Variants in PTPRT observed in about 807,000 individuals in gnomAD.
PTPRT encodes protein tyrosine phosphatase receptor type T.
PTPRT carries 56 observed loss-of-function variants against 176.8 expected under a neutral mutation model. The ratio of observed to expected loss-of-function variants is 0.32; its 90% confidence interval spans 0.26 to 0.40. PTPRT has a LOEUF of 0.40. PTPRT is among the 10% of genes least tolerant of loss of function. The probability of loss-of-function intolerance (pLI) is 1.00; values close to 1 mark genes in which losing one functional copy is unlikely to be tolerated. For missense variants in PTPRT, 1,540 were observed against 1,908.2 expected (o/e 0.81, Z 3.60); for synonymous variants, 783 against 739.0 (o/e 1.06, Z -0.96).
At chr20:42,712,158 A>G (rs1011590769) in intron 6 of PTPRT, among the ~76,000 whole-genome samples, 5 of 150,638 alleles carry the variant, frequency 3.3e-5, no homozygotes, top group Non-Finnish European at 7.4e-5. Context: ...TCATTAGGAA[A>G]ATAATCCTGA....
chr20:42,935,147 ATTTTTTTTT>A (rs57178522), intron 1 of PTPRT, among the ~76,000 whole-genome samples: 5 of 42,154 alleles, frequency 1.2e-4, no homozygotes, highest in Admixed American at 4.1e-4. Context: ...TTTTGCCATA[ATTTTTTTTT>A]TTTTTTTTTT....
At chr20:42,061,139 C>A in the PTPRT span, among the ~76,000 whole-genome samples, 1 of 152,146 alleles carries the variant, frequency 6.6e-6, no homozygotes, top group Non-Finnish European at 1.5e-5. Flanking sequence ...TCAGTGGCTT[C>A]ATCTATAAAG....
intron 9 of PTPRT, among the ~76,000 whole-genome samples, chr20:42,446,844 G>A (rs894946688): frequency 1.3e-5 from 2 of 152,170 alleles, no homozygotes; most frequent in Admixed American, 6.5e-5. Flanking sequence ...ATAAGTGATG[G>A]GGATGGATGT....
At chr20:42,916,544 A>T (rs1407541589) in intron 1 of PTPRT, among the ~76,000 whole-genome samples, 1 of 152,212 alleles carries the variant, frequency 6.6e-6, no homozygotes, top group Admixed American at 6.5e-5. Context: ...CGCCACACTG[A>T]CTTCCACAAT....
intron 7 of PTPRT, among the ~76,000 whole-genome samples, chr20:42,494,502 G>A (rs6016810): frequency 6.6e-6 from 1 of 151,888 alleles, no homozygotes; most frequent in East Asian, 1.9e-4. Flanking sequence ...TCAGTTGTGG[G>A]TTTGGGAATA....
chr20:42,247,978 G>A (rs1216199138), intron 14 of PTPRT, among the ~76,000 whole-genome samples: 1 of 152,186 alleles, frequency 6.6e-6, no homozygotes, highest in African/African-American at 2.4e-5. Context: ...GGATGCTGGT[G>A]TAGTACATCT....
At position 42,774,139 on chromosome 20, in the gene PTPRT, G is replaced by A. The variant is rs565779605; in HGVS notation, c.569-2589C>T. On this transcript the variant is annotated intron_variant, in intron 4 of 30. Coordinates refer to ENST00000373187, the MANE Select transcript of PTPRT (RefSeq NM_007050.6). ...GCAATTTACAGCAGAGATAATGAACGCATGCACCTACAAGAGCCAGTTATG... is the reference window on the plus strand; with the variant it reads ...GCAATTTACAGCAGAGATAATGAACACATGCACCTACAAGAGCCAGTTATG... Among the ~76,000 whole-genome samples, 36 of 152,240 alleles carry A rather than the reference G, an allele frequency of 2.4e-4. No homozygotes were observed. In the South Asian group the frequency reaches 6.6e-3, roughly 28 times the overall value.
chr20:43,078,319 C>T (rs1310507221), intron 1 of PTPRT, among the ~76,000 whole-genome samples: 1 of 152,220 alleles, frequency 6.6e-6, no homozygotes. Flanking sequence ...AAGCTGACCA[C>T]TCAGCCAGCC....
intron 11 of PTPRT, among the ~76,000 whole-genome samples, chr20:42,327,119 G>T (rs577085661): frequency 6.6e-6 from 1 of 150,692 alleles, no homozygotes; most frequent in African/African-American, 2.5e-5. Flanking sequence ...GTGTATGACA[G>T]AGAGAGAGAA....
At chr20:42,243,783 T>C (rs1434109665) in intron 14 of PTPRT, among the ~76,000 whole-genome samples, 1 of 152,170 alleles carries the variant, frequency 6.6e-6, no homozygotes, top group African/African-American at 2.4e-5. Flanking sequence ...GCCCAAAACG[T>C]TCACCAACTC....
downstream of PTPRT, among the ~76,000 whole-genome samples, chr20:42,072,189 G>T (rs1374029091): frequency 6.6e-6 from 1 of 152,174 alleles, no homozygotes; most frequent in East Asian, 1.9e-4. Context: ...CCCAGGAGGA[G>T]GATGAAAAAA....
chr20:42,277,653 G>A (rs1002695756), intron 13 of PTPRT, among the ~76,000 whole-genome samples: 2 of 152,120 alleles, frequency 1.3e-5, no homozygotes, highest in African/African-American at 2.4e-5. Flanking sequence ...CCTCTCAAAC[G>A]GAAGTGTCCA....
At chr20:42,172,071 T>A (rs1341988264) in intron 16 of PTPRT, among the ~76,000 whole-genome samples, 3 of 151,972 alleles carry the variant, frequency 2.0e-5, no homozygotes, top group Non-Finnish European at 4.4e-5. Flanking sequence ...TACATTTAGA[T>A]TGATTAAAGA....
chr20:42,670,634 T>G (rs2146037232), intron 7 of PTPRT, among the ~76,000 whole-genome samples: 1 of 152,170 alleles, frequency 6.6e-6, no homozygotes, highest in East Asian at 1.9e-4. Flanking sequence ...ATCAACAGCG[T>G]ATGTGGTGTC....
chr20:42,617,857 T>C (rs1259424607), intron 7 of PTPRT, among the ~76,000 whole-genome samples: 3 of 138,982 alleles, frequency 2.2e-5, no homozygotes, highest in African/African-American at 9.3e-5. Flanking sequence ...TTGATAGTGG[T>C]CTATCAATTT....
intron 7 of PTPRT, among the ~76,000 whole-genome samples, chr20:42,475,043 T>A (rs2071265976): frequency 1.3e-5 from 2 of 152,316 alleles, no homozygotes; most frequent in South Asian, 4.2e-4. Flanking sequence ...AAATGTACCA[T>A]ATCTCATGTT....
At chr20:42,581,139 T>C (rs1398198880) in intron 7 of PTPRT, among the ~76,000 whole-genome samples, 3 of 152,206 alleles carry the variant, frequency 2.0e-5, no homozygotes, top group Non-Finnish European at 2.9e-5. Flanking sequence ...GCTGGCCGTA[T>C]ACTAGAAAGT....
At chr20:42,692,811 TTAAATA>T (rs1321714584) in intron 6 of PTPRT, among the ~76,000 whole-genome samples, 19 of 152,264 alleles carry the variant, frequency 1.2e-4, no homozygotes, top group African/African-American at 4.6e-4. Flanking sequence ...GTTCCATAGA[TTAAATA>T]TAAACAATTA....
At position 42,079,963 on chromosome 20, in the gene PTPRT, C is replaced by T. The variant is rs1242551259; in HGVS notation, c.*916G>A. The stretch of plus-strand genomic sequence containing the variant: ...GACATAAGAGACTAAGATTTTACAC[C>T]CTCCAAAAGAAAGTTTCTTTTCACA... On this transcript the variant is annotated 3_prime_UTR_variant, in exon 31 of 31. Coordinates refer to ENST00000373187, the MANE Select transcript of PTPRT (RefSeq NM_007050.6). 1 of 232,222 alleles carries T rather than the reference C, an allele frequency of 4.3e-6. No homozygotes were observed. The allele number at this position is 232,222 out of a possible 1,614,324, so 14.4% of individuals were successfully genotyped here.
Sources: allele counts gnomAD v4.1 joint callset (sites outside exome capture counted in the v4.1 genomes callset), GRCh38; gene constraint gnomAD v4.1.1; transcripts MANE v1.5; gene names NCBI Gene and HGNC (gene_info 2026-07-23, HGNC 2026-07-21).